The following SP3 variants were observed in gnomAD, a reference collection of about 807,000 sequenced individuals.
SP3 encodes the protein Sp3 transcription factor, also known as transcription factor Sp3.
A neutral mutation model predicts 70.3 loss-of-function variants in SP3; 10 were observed. The observed-to-expected ratio is 0.14, with a 90% CI of 0.09 to 0.24. SP3 has a LOEUF of 0.24. SP3 is among the 10% of genes least tolerant of loss of function. The probability of loss-of-function intolerance (pLI) is 1.00; values close to 1 mark genes in which losing one functional copy is unlikely to be tolerated. For missense variants in SP3, 825 were observed against 914.6 expected (o/e 0.90, Z 1.26); for synonymous variants, 402 against 333.5 (o/e 1.21, Z -2.24).
chr2:173,938,595 A>C (rs1487501986), intron 4 of SP3, among the ~76,000 whole-genome samples: 1 of 152,172 alleles, frequency 6.6e-6, no homozygotes, highest in African/African-American at 2.4e-5. Flanking sequence ...ATGCAGAAAA[A>C]AAAAAGATGA....
At chr2:173,927,261 A>G (rs368284187) in intron 4 of SP3, among the ~76,000 whole-genome samples, 7 of 151,426 alleles carry the variant, frequency 4.6e-5, no homozygotes, top group South Asian at 4.2e-4. Context: ...CTTCCAAACC[A>G]TATCAACTAT....
upstream of SP3, chr2:173,965,556 T>G: frequency 4.5e-6 from 1 of 224,262 alleles, no homozygotes; most frequent in Admixed American, 6.0e-5. Context: ...CGAGAGCGGC[T>G]ACGGCTCGCC....
At chr2:173,923,238 T>C (rs1295339640) in intron 4 of SP3, among the ~76,000 whole-genome samples, 1 of 152,102 alleles carries the variant, frequency 6.6e-6, no homozygotes, top group Non-Finnish European at 1.5e-5. Context: ...CCTGTGATTA[T>C]GGCTGTTTTC....
intron 4 of SP3, among the ~76,000 whole-genome samples, chr2:173,952,906 G>A (rs1690755283): frequency 2.0e-5 from 3 of 152,234 alleles, no homozygotes; most frequent in African/African-American, 2.4e-5. Flanking sequence ...AGTGAATGAT[G>A]AGTGACTGCT....
chr2:173,905,474 G>C lies in SP3; in HGVS notation c.*4467C>G, dbSNP rs1463479722. Among the ~76,000 whole-genome samples, 1 of 152,118 alleles carries C rather than the reference G, an allele frequency of 6.6e-6. No individual in the cohort carries two copies. The highest frequency in any genetic ancestry group is 1.5e-5 in the Non-Finnish European group (1 of 68,020). On this transcript the variant is annotated 3_prime_UTR_variant, in exon 7 of 7. Coordinates refer to ENST00000310015, the MANE Select transcript of SP3 (RefSeq NM_003111.5). ...GCTTAGCATAGATTCAGAAGCAAGAGTTAAAAGGTGAAAAATGGGGAAAAG... is the reference window on the plus strand; with the variant it reads ...GCTTAGCATAGATTCAGAAGCAAGACTTAAAAGGTGAAAAATGGGGAAAAG...
At chr2:173,951,828 T>C (rs1690718683) in intron 4 of SP3, among the ~76,000 whole-genome samples, 2 of 152,200 alleles carry the variant, frequency 1.3e-5, no homozygotes, top group South Asian at 4.1e-4. Context: ...CATGCATGAT[T>C]TTATAATATA....
Position 173,905,369 on chromosome 2 carries a change from A to C in SP3, c.*4572T>G, listed in dbSNP as rs1224837305. The stretch of plus-strand genomic sequence containing the variant: ...TACAACAATCCTATCAACAGGGAGT[A>C]CTATTGTTAGCCTCTTCATGGATGA... On this transcript the variant is annotated 3_prime_UTR_variant, in exon 7 of 7. Transcript: ENST00000310015. Among the ~76,000 whole-genome samples the C allele has an allele frequency of 6.6e-6, 1 of 152,216 alleles. No homozygotes were observed. Among genetic ancestry groups the C allele is most frequent in the Non-Finnish European group, 1.5e-5 (1 of 68,046 alleles).
At chr2:173,931,663 G>C (rs1378542698) in intron 4 of SP3, among the ~76,000 whole-genome samples, 1 of 152,052 alleles carries the variant, frequency 6.6e-6, no homozygotes, top group East Asian at 1.9e-4. Flanking sequence ...TGTTTAGTGT[G>C]GCCATTTTCA....
intron 3 of SP3, chr2:173,962,995 G>C (rs1483834428): frequency 6.6e-6 from 1 of 152,152 alleles, no homozygotes; most frequent in Non-Finnish European, 1.5e-5. Context: ...GTAATAAAAT[G>C]AAAACATACT....
At chr2:173,927,370 G>C (rs1689945527) in intron 4 of SP3, among the ~76,000 whole-genome samples, 1 of 151,892 alleles carries the variant, frequency 6.6e-6, no homozygotes, top group Non-Finnish European at 1.5e-5. Context: ...CCACTTCCCA[G>C]GGTTCAAGCA....
At chr2:173,933,593 A>T (rs1690125912) in intron 4 of SP3, among the ~76,000 whole-genome samples, 1 of 147,534 alleles carries the variant, frequency 6.8e-6, no homozygotes, top group African/African-American at 2.5e-5. Flanking sequence ...GAAGAGAACC[A>T]GAAATATTAG....
chr2:173,917,359 AT>A (rs1334732346), intron 5 of SP3, among the ~76,000 whole-genome samples: 1 of 152,112 alleles, frequency 6.6e-6, no homozygotes, highest in Non-Finnish European at 1.5e-5. Context: ...TAAGGATCAG[AT>A]GTAGAAGGAG....
rs1000066620 is a variant in SP3, at chr2:173,903,012, T to C, written c.*6929A>G. 2.0e-5 allele frequency among the ~76,000 whole-genome samples: 3 copies of C among 152,254 alleles called. No homozygotes were observed. The highest frequency in any genetic ancestry group is 7.2e-5 in the African/African-American group (3 of 41,474). The stretch of plus-strand genomic sequence containing the variant: ...ACATTGTTTTCTGCATTTTTCTGTA[T>C]TCTTGAAATGTTTCATAATAAAAAA... On this transcript the variant is annotated 3_prime_UTR_variant, in exon 7 of 7. Coordinates refer to ENST00000310015, the MANE Select transcript of SP3 (RefSeq NM_003111.5).
Position 173,948,795 on chromosome 2 carries a change from A to T in SP3, c.1639+6078T>A, listed in dbSNP as rs561822714. Among the ~76,000 whole-genome samples, 3 of 152,234 alleles carry T rather than the reference A, an allele frequency of 2.0e-5. No individual in the cohort carries two copies. The South Asian group carries it at 6.2e-4, about 32-fold the overall frequency. On this transcript the variant is annotated intron_variant, in intron 4 of 6. Coordinates refer to ENST00000310015, the MANE Select transcript of SP3 (RefSeq NM_003111.5). ...AAGTCTCAAAATTAATAAACCAAAAAAATCGTTGGAAAATCAGAATATGAA... is the reference window on the plus strand; with the variant it reads ...AAGTCTCAAAATTAATAAACCAAAATAATCGTTGGAAAATCAGAATATGAA...
In SP3 at chr2:173,942,039, G is replaced by A. The variant is rs147996873; in HGVS notation, c.1639+12834C>T. 2.2e-3 allele frequency among the ~76,000 whole-genome samples: 333 copies of A among 152,322 alleles called. 1 individual carries two copies. Among genetic ancestry groups the A allele is most frequent in the Middle Eastern group, 0.014 (4 of 294 alleles). On this transcript the variant is annotated intron_variant, in intron 4 of 6. Coordinates refer to ENST00000310015, the MANE Select transcript of SP3 (RefSeq NM_003111.5). ...CCCTGCATTTAAAAAGTCTAGAATAGTAACTTGAGGCTCAGAATATGATTT... is the reference window on the plus strand; with the variant it reads ...CCCTGCATTTAAAAAGTCTAGAATAATAACTTGAGGCTCAGAATATGATTT...
At chr2:173,963,938 G>C in intron 2 of SP3, 55 bp from the exon 3 acceptor site, 1 of 1,274,834 alleles carries the variant, frequency 7.8e-7, no homozygotes, top group East Asian at 3.2e-5. Flanking sequence ...GTGGCGGTTA[G>C]GGTCGGGCCG....
chr2:173,918,295 G>C (rs1002448388), intron 5 of SP3, among the ~76,000 whole-genome samples: 6 of 151,668 alleles, frequency 4.0e-5, no homozygotes, highest in Non-Finnish European at 7.4e-5. Context: ...TCTATATTTA[G>C]GCAAATTCCA....
At chr2:173,946,116 G>A (rs1040809012) in intron 4 of SP3, among the ~76,000 whole-genome samples, 1 of 151,896 alleles carries the variant, frequency 6.6e-6, no homozygotes, top group Non-Finnish European at 1.5e-5. Context: ...GACAGAGCAA[G>A]ATACGGTCTC....
At position 173,956,143 on chromosome 2, in the gene SP3, A is replaced by G. The variant is rs1432718964; in HGVS notation, c.369T>C (p.Ala123=). 7.4e-6 allele frequency: 12 copies of G among 1,614,102 alleles called. No homozygotes were observed. Among genetic ancestry groups the G allele is most frequent in the Non-Finnish European group, 1.0e-5 (12 of 1,180,026 alleles). The change falls in exon 4 of 7, where the codon GCT becomes GCC. Residue 123 remains alanine, a synonymous_variant. Coordinates refer to ENST00000310015, the MANE Select transcript of SP3 (RefSeq NM_003111.5). ...CACTTGGAATCTGGACTAGATTACC[A>G]GCTTCATCTTTTATAGTTGTAGGTG... ...SATPTTIKDE[A]GNLVQIPSAA... is the part of the protein sequence containing the mutation.
Sources: allele counts gnomAD v4.1 joint callset (sites outside exome capture counted in the v4.1 genomes callset), GRCh38; gene constraint gnomAD v4.1.1; transcripts MANE v1.5; gene names NCBI Gene and HGNC (gene_info 2026-07-23, HGNC 2026-07-21).